The following EFCAB5 variants were observed in gnomAD, a reference collection of about 807,000 sequenced individuals.
EFCAB5 encodes EF-hand calcium binding domain 5.
In EFCAB5, 131 loss-of-function variants were observed where a neutral mutation model predicts 167.9. That is an observed-to-expected ratio of 0.78 (90% CI 0.68 to 0.90). EFCAB5 has a LOEUF of 0.90. Among genes scored for constraint, EFCAB5 ranks in the 40% least tolerant of loss-of-function variants. The probability of loss-of-function intolerance (pLI) is 0.00; values close to 1 mark genes in which losing one functional copy is unlikely to be tolerated. For synonymous variants in EFCAB5, 574 were observed against 602.8 expected (o/e 0.95, Z 0.70); for missense variants, 1,663 against 1,745.2 (o/e 0.95, Z 0.84).
At chr17:29,963,337 T>A (rs1459093673) in intron 3 of EFCAB5, among the ~76,000 whole-genome samples, 1 of 152,216 alleles carries the variant, frequency 6.6e-6, no homozygotes, top group Non-Finnish European at 1.5e-5. Flanking sequence ...ATTTTATGAA[T>A]GTAATGGATT....
intron 7 of EFCAB5, among the ~76,000 whole-genome samples, chr17:30,008,698 T>A (rs2068828606): frequency 6.6e-6 from 1 of 152,170 alleles, no homozygotes; most frequent in Non-Finnish European, 1.5e-5. Flanking sequence ...TATAAAAATA[T>A]AAATAAAAGG....
intron 7 of EFCAB5, among the ~76,000 whole-genome samples, chr17:30,011,081 AG>A (rs1404840085): frequency 3.9e-5 from 6 of 152,106 alleles, no homozygotes; most frequent in Non-Finnish European, 1.5e-5. Flanking sequence ...TGTTTTTGTC[AG>A]GTTTGTCAAA....
At chr17:29,931,396 G>A (rs913356159) in intron 1 of EFCAB5, among the ~76,000 whole-genome samples, 4 of 152,308 alleles carry the variant, frequency 2.6e-5, no homozygotes, top group East Asian at 3.9e-4. Flanking sequence ...TCTGTGCTGA[G>A]CCTTTGTTCT....
intron 7 of EFCAB5, among the ~76,000 whole-genome samples, chr17:30,003,125 G>T (rs2068699959): frequency 6.7e-6 from 1 of 148,196 alleles, no homozygotes; most frequent in South Asian, 2.2e-4. Flanking sequence ...TATTTCCTCT[G>T]TTGTTCGGGT....
At chr17:30,056,216 T>C (rs1190272164) in intron 12 of EFCAB5, 60 bp downstream of exon 12, 1 of 1,441,852 alleles carries the variant, frequency 6.9e-7, no homozygotes, top group African/African-American at 1.4e-5. Context: ...TTTAATTTAC[T>C]GTGGTACTCG....
At chr17:30,091,409 T>C (rs1262052048) in intron 20 of EFCAB5, among the ~76,000 whole-genome samples, 1 of 152,192 alleles carries the variant, frequency 6.6e-6, no homozygotes, top group Non-Finnish European at 1.5e-5. Flanking sequence ...AACTATGTCA[T>C]AGAGTGGGAT....
intron 7 of EFCAB5, among the ~76,000 whole-genome samples, chr17:30,017,314 A>G (rs1183595288): frequency 6.6e-6 from 1 of 152,222 alleles, no homozygotes; most frequent in Non-Finnish European, 1.5e-5. Flanking sequence ...AAATTATTCA[A>G]TGTTGTAAAA....
intron 1 of EFCAB5, among the ~76,000 whole-genome samples, chr17:29,932,429 A>G (rs1454351503): frequency 7.6e-6 from 1 of 131,102 alleles, no homozygotes; most frequent in Non-Finnish European, 1.6e-5. Flanking sequence ...AGGATTACAG[A>G]TGTGAGCCAC....
At position 30,087,276 on chromosome 17, in the gene EFCAB5, C is replaced by T. The variant is rs2071108455; in HGVS notation, c.3683+110C>T. ...TTGCTCATACACGCTGACTTTTATTCTTTCTTTTTAATTTAATTTTATTTT... is the reference window on the plus strand; with the variant it reads ...TTGCTCATACACGCTGACTTTTATTTTTTCTTTTTAATTTAATTTTATTTT... On this transcript the variant is annotated intron_variant, in intron 19 of 22. Coordinates refer to ENST00000394835, the MANE Select transcript of EFCAB5 (RefSeq NM_198529.4). 3.9e-6 allele frequency: 3 copies of T among 775,298 alleles called. No individual in the cohort carries two copies. In the South Asian group the frequency reaches 6.0e-5, roughly 15 times the overall value. 48.0% of individuals were successfully genotyped at this position (775,298 alleles called of 1,614,324 possible). A position where few individuals can be genotyped will look rare whatever the true frequency, so the allele number is the denominator to read the frequency against.
chr17:30,053,155 C>G (rs1314776521), intron 9 of EFCAB5, 100 bp from the exon 10 acceptor site: 13 of 1,372,842 alleles, frequency 9.5e-6, no homozygotes, highest in Admixed American at 7.0e-5. Context: ...GCCTATATTA[C>G]AATTTCTGTG....
chr17:29,982,992 A>G (rs2068208902), intron 4 of EFCAB5, among the ~76,000 whole-genome samples: 2 of 152,210 alleles, frequency 1.3e-5, no homozygotes, highest in Admixed American at 1.3e-4. Flanking sequence ...CTCTTTTCTT[A>G]GTTAGCTTTT....
At chr17:30,077,238 G>T (rs1380057856) in intron 14 of EFCAB5, among the ~76,000 whole-genome samples, 2 of 152,176 alleles carry the variant, frequency 1.3e-5, no homozygotes, top group Non-Finnish European at 2.9e-5. Context: ...GGAGATGGAG[G>T]TTGCAGTAAG....
At chr17:30,097,321 C>T (rs1300914963) in intron 22 of EFCAB5, among the ~76,000 whole-genome samples, 1 of 152,134 alleles carries the variant, frequency 6.6e-6, no homozygotes. Context: ...TCCCAAAGTG[C>T]TGGGATTACA....
chr17:29,945,960 A>G (rs1955584882), intron 3 of EFCAB5, among the ~76,000 whole-genome samples: 1 of 152,158 alleles, frequency 6.6e-6, no homozygotes, highest in Non-Finnish European at 1.5e-5. Flanking sequence ...CCAAAAGCAA[A>G]TGCAATAAAA....
At chr17:29,982,323 G>T (rs945136655) in intron 4 of EFCAB5, among the ~76,000 whole-genome samples, 9 of 152,130 alleles carry the variant, frequency 5.9e-5, no homozygotes, top group Non-Finnish European at 1.3e-4. Context: ...CTTGAACCTG[G>T]GAGGTGGAGG....
At chr17:30,051,010 A>G (rs1048652263) in intron 8 of EFCAB5, 108 bp from the exon 9 acceptor site, 2 of 789,734 alleles carry the variant, frequency 2.5e-6, no homozygotes, top group South Asian at 3.5e-5. Context: ...CATGATAATG[A>G]TTGTTGTGGT....
At chr17:29,978,608 A>G (rs1198021144) in intron 4 of EFCAB5, among the ~76,000 whole-genome samples, 1 of 152,178 alleles carries the variant, frequency 6.6e-6, no homozygotes, top group African/African-American at 2.4e-5. Context: ...AATGATATAG[A>G]ATGTTCCTAA....
chr17:30,034,199 A>T (rs944797425), intron 7 of EFCAB5, 31 bp from the exon 8 acceptor site: 1 of 1,607,796 alleles, frequency 6.2e-7, no homozygotes, highest in Non-Finnish European at 8.5e-7. Flanking sequence ...GTTTTAAGTC[A>T]ATCGTTTATC....
intron 7 of EFCAB5, among the ~76,000 whole-genome samples, chr17:30,015,277 T>A (rs563349757): frequency 6.6e-6 from 1 of 152,318 alleles, no homozygotes; most frequent in African/African-American, 2.4e-5. Context: ...TTATGTGTCT[T>A]GGCTTTGCTC....
Sources: gnomAD v4.1 joint callset for allele counts (sites outside exome capture counted in the v4.1 genomes callset) on GRCh38, gnomAD v4.1.1 for gene constraint, MANE v1.5 for transcripts, NCBI Gene and HGNC (gene_info 2026-07-23, HGNC 2026-07-21) for gene names.